Variants in COL21A1 observed in about 807,000 individuals in gnomAD.
COL21A1 encodes the protein collagen type XXI alpha 1 chain.
In COL21A1, 149 loss-of-function variants were observed where a neutral mutation model predicts 137.9. The observed-to-expected ratio is 1.08, with a 90% CI of 0.95 to 1.24. COL21A1 has a LOEUF of 1.24. Ranked by LOEUF, COL21A1 falls within the 50% of genes most tolerant of loss-of-function variation. The pLI, the probability that COL21A1 is intolerant of heterozygous loss-of-function variation, is 0.00. For missense variants in COL21A1, 1,167 were observed against 1,158.4 expected (o/e 1.01, Z -0.11); for synonymous variants, 456 against 391.5 (o/e 1.16, Z -1.95).
chr6:56,314,609 T>C (rs181105237), intron 1 of COL21A1, among the ~76,000 whole-genome samples: 1 of 152,314 alleles, frequency 6.6e-6, no homozygotes, highest in Admixed American at 6.5e-5. Flanking sequence ...TCAGTGATCT[T>C]AAACTTTATT....
Position 56,153,539 on chromosome 6 carries a change from C to T in COL21A1, c.1434+3348G>A, listed in dbSNP as rs1378974419. 2.0e-5 allele frequency among the ~76,000 whole-genome samples: 3 copies of T among 151,070 alleles called. No homozygotes were observed. In the East Asian group the frequency reaches 5.8e-4, roughly 29 times the overall value. Reference sequence around the variant, plus strand: ...TTCTACTGCTCTGGGTCTCTGCTTCCTTTTATATCTCTCAGAAAAAAAAAA... The same window carrying T: ...TTCTACTGCTCTGGGTCTCTGCTTCTTTTTATATCTCTCAGAAAAAAAAAA... On this transcript the variant is annotated intron_variant, in intron 10 of 29. Coordinates refer to ENST00000244728, the MANE Select transcript of COL21A1 (RefSeq NM_030820.4).
intron 1 of COL21A1, among the ~76,000 whole-genome samples, chr6:56,262,283 T>C (rs1272663496): frequency 6.6e-6 from 1 of 152,188 alleles, no homozygotes; most frequent in Non-Finnish European, 1.5e-5. Flanking sequence ...ACTTAGACCA[T>C]CCTCTGTACT....
At chr6:56,312,342 T>C in intron 1 of COL21A1, among the ~76,000 whole-genome samples, 2 of 152,222 alleles carry the variant, frequency 1.3e-5, no homozygotes, top group South Asian at 4.2e-4. Context: ...TTGTGATTAC[T>C]TAGGTGATAA....
chr6:56,266,633 T>C (rs755583077), intron 1 of COL21A1, among the ~76,000 whole-genome samples: 3 of 152,264 alleles, frequency 2.0e-5, no homozygotes, highest in Non-Finnish European at 2.9e-5. Flanking sequence ...CCTAAGTACA[T>C]ACCTTTTCTG....
intron 1 of COL21A1, among the ~76,000 whole-genome samples, chr6:56,268,530 T>C (rs908452148): frequency 6.6e-6 from 1 of 152,108 alleles, no homozygotes; most frequent in African/African-American, 2.4e-5. Context: ...CCAAAAATAT[T>C]CTGTCAATAT....
chr6:56,218,888 A>G (rs542607459), intron 1 of COL21A1, among the ~76,000 whole-genome samples: 2 of 152,256 alleles, frequency 1.3e-5, no homozygotes, highest in African/African-American at 4.8e-5. Context: ...ACCAGCTGAG[A>G]GCAATCACTG....
chr6:56,280,303 A>G (rs1763760879), intron 1 of COL21A1, among the ~76,000 whole-genome samples: 1 of 152,228 alleles, frequency 6.6e-6, no homozygotes, highest in South Asian at 2.1e-4. Flanking sequence ...AAGTTTGGAT[A>G]GATGGCACAG....
intron 1 of COL21A1, among the ~76,000 whole-genome samples, chr6:56,282,107 A>C (rs1381925835): frequency 6.6e-6 from 1 of 152,220 alleles, no homozygotes; most frequent in Non-Finnish European, 1.5e-5. Flanking sequence ...CAGGTATGTC[A>C]AATAAGCAAC....
At chr6:56,321,197 T>C (rs1764857868) in intron 1 of COL21A1, among the ~76,000 whole-genome samples, 1 of 152,158 alleles carries the variant, frequency 6.6e-6, no homozygotes, top group Non-Finnish European at 1.5e-5. Context: ...AGTCAAGGCA[T>C]TGATTGCCAT....
rs534647630 is a variant in COL21A1 at position 56,278,946 on chromosome 6, G to A, written c.-38-96290C>T. On this transcript the variant is annotated intron_variant, in intron 1 of 28. Transcript: ENST00000370819. ...TAGGCTGAGCTAGGGATTAGTGAGG[G>A]TAGAATGAGGCTGAGATAGATTCAA... 2.0e-5 allele frequency among the ~76,000 whole-genome samples: 3 copies of A among 152,342 alleles called. No homozygotes were observed. In the South Asian group the frequency reaches 6.2e-4, roughly 32 times the overall value.
In COL21A1 at chr6:56,059,221, T is replaced by C. The variant is rs1562130049; in HGVS notation, c.2630A>G (p.Glu877Gly). The C allele has an allele frequency of 6.2e-7, 1 of 1,606,836 alleles. No homozygotes were observed. Among genetic ancestry groups the C allele is most frequent in the Non-Finnish European group, 8.5e-7 (1 of 1,177,822 alleles). ...GLKGLPGRNG[E>G]KGSQGFGYPG... is the part of the protein sequence containing the mutation. Reference sequence around the variant, plus strand: ...ATACCCAAACCCTTGGCTCCCTTTTTCCCCATTTCTTCCTGGTAGGCCTGC... The same window carrying C: ...ATACCCAAACCCTTGGCTCCCTTTTCCCCCATTTCTTCCTGGTAGGCCTGC... Residue 877 changes from glutamate (E) to glycine (G), a missense_variant, in exon 29 of 30, where the codon GAA becomes GGA. By Grantham distance (98) the Glu-to-Gly change is moderately conservative (BLOSUM62 -2). Coordinates refer to ENST00000244728, the MANE Select transcript of COL21A1 (RefSeq NM_030820.4).
chr6:56,098,740 G>A (rs189926750), intron 17 of COL21A1, among the ~76,000 whole-genome samples: 3 of 101,946 alleles, frequency 2.9e-5, no homozygotes, highest in Admixed American at 1.2e-4. Context: ...TTTTGAGACG[G>A]GGTCTTGCTC....
At chr6:56,362,244 ATC>A (rs1765990864) in intron 1 of COL21A1, among the ~76,000 whole-genome samples, 1 of 152,186 alleles carries the variant, frequency 6.6e-6, no homozygotes, top group Admixed American at 6.5e-5. Context: ...TAAATGTATA[ATC>A]GTGTCTGAAG....
At chr6:56,252,712 G>C (rs894814147) in intron 1 of COL21A1, among the ~76,000 whole-genome samples, 1 of 152,122 alleles carries the variant, frequency 6.6e-6, no homozygotes, top group African/African-American at 2.4e-5. Flanking sequence ...GGAGAGAGTA[G>C]GGCATGTAAT....
chr6:56,327,325 T>C (rs1765119235), intron 1 of COL21A1, among the ~76,000 whole-genome samples: 1 of 151,768 alleles, frequency 6.6e-6, no homozygotes, highest in Non-Finnish European at 1.5e-5. Flanking sequence ...AAAGATAAAT[T>C]ACTAAATAAA....
chr6:56,315,962 C>T (rs1193020567), intron 1 of COL21A1, among the ~76,000 whole-genome samples: 1 of 152,178 alleles, frequency 6.6e-6, no homozygotes, highest in Non-Finnish European at 1.5e-5. Context: ...TGAAACATCA[C>T]AGTGAATACC....
chr6:56,207,127 G>A (rs1779846891), intron 1 of COL21A1, among the ~76,000 whole-genome samples: 1 of 151,974 alleles, frequency 6.6e-6, no homozygotes, highest in Non-Finnish European at 1.5e-5. Context: ...AAAATTAAAA[G>A]AACTAGAGAA....
At chr6:56,289,107 C>G (rs1168419842) in intron 1 of COL21A1, among the ~76,000 whole-genome samples, 1 of 152,182 alleles carries the variant, frequency 6.6e-6, no homozygotes, top group African/African-American at 2.4e-5. Flanking sequence ...GTGTGCCTAA[C>G]AAAGCTCCTG....
At chr6:56,106,308 C>A (rs1770883955) in intron 16 of COL21A1, among the ~76,000 whole-genome samples, 1 of 152,220 alleles carries the variant, frequency 6.6e-6, no homozygotes, top group African/African-American at 2.4e-5. Flanking sequence ...AGGAGTCCTT[C>A]ATTCAATCTA....
Sources: gnomAD v4.1 joint callset for allele counts (sites outside exome capture counted in the v4.1 genomes callset) on GRCh38, gnomAD v4.1.1 for gene constraint, MANE v1.5 for transcripts, NCBI Gene and HGNC (gene_info 2026-07-23, HGNC 2026-07-21) for gene names.